The following ZNF25 variants were observed in gnomAD, a reference collection of about 807,000 sequenced individuals.
ZNF25 encodes zinc finger protein 25.
In ZNF25, 21 loss-of-function variants were observed where a neutral mutation model predicts 30.9. That is an observed-to-expected ratio of 0.68 (90% CI 0.48 to 0.98). The LOEUF (loss-of-function observed/expected upper bound fraction) is 0.98. ZNF25 is among the 50% of genes least tolerant of loss of function. ZNF25 has a pLI of 0.00. For synonymous variants in ZNF25, 169 were observed against 181.3 expected (o/e 0.93, Z 0.55); for missense variants, 501 against 529.9 (o/e 0.95, Z 0.54).
chr10:37,958,619 T>A (rs997263656), intron 2 of ZNF25, among the ~76,000 whole-genome samples: 1 of 152,208 alleles, frequency 6.6e-6, no homozygotes, highest in Admixed American at 6.5e-5. Flanking sequence ...CATGTATTAA[T>A]GTTTATTAAG....
intron 2 of ZNF25, among the ~76,000 whole-genome samples, chr10:37,965,624 A>T (rs1425541476): frequency 6.6e-6 from 1 of 152,340 alleles, no homozygotes; most frequent in East Asian, 1.9e-4. Flanking sequence ...CCTGCCTTAT[A>T]AGAAATGCTA....
intron 2 of ZNF25, among the ~76,000 whole-genome samples, chr10:37,964,545 G>A (rs146817053): frequency 2.4e-4 from 36 of 152,254 alleles, no homozygotes; most frequent in Middle Eastern, 3.4e-3. Context: ...CATGTCCTAC[G>A]GATCTGTGGA....
rs1382713826 is a variant in ZNF25, at chr10:37,951,649, A to G, written c.*478T>C. 2 of 153,410 alleles carry G rather than the reference A, an allele frequency of 1.3e-5. No homozygotes were observed. Among genetic ancestry groups the G allele is most frequent in the Non-Finnish European group, 2.9e-5 (2 of 68,976 alleles). The allele number at this position is 153,410 out of a possible 1,614,324, so 9.5% of individuals were successfully genotyped here. The stretch of plus-strand genomic sequence containing the variant: ...ACATCAATTCTTAATAAAGGCTTCT[A>G]TATCTACCAGTGTCTTTGCAGTTAT... On this transcript the variant is annotated 3_prime_UTR_variant, in exon 6 of 6. Coordinates refer to ENST00000302609, the MANE Select transcript of ZNF25 (RefSeq NM_145011.4).
At chr10:37,960,737 T>G in intron 2 of ZNF25, among the ~76,000 whole-genome samples, 1 of 139,418 alleles carries the variant, frequency 7.2e-6, no homozygotes, top group Admixed American at 7.6e-5. Context: ...AACATAAGAG[T>G]AAGCCAGGAG....
rs1230964657 is a variant in ZNF25, at chr10:37,950,889, A to G, written c.*1238T>C. The G allele has an allele frequency of 2.0e-5, 3 of 152,204 alleles. No individual in the cohort carries two copies. Among genetic ancestry groups the G allele is most frequent in the South Asian group, 2.1e-4 (1 of 4,834 alleles). 9.4% of individuals were successfully genotyped at this position (152,204 alleles called of 1,614,324 possible). A position where few individuals can be genotyped will look rare whatever the true frequency, so the allele number is the denominator to read the frequency against. Reference sequence around the variant, plus strand: ...AACATTTAGGACTCTCACACTAAATACAAATGCAGATAGCTCTGCTCCCTG... The same window carrying G: ...AACATTTAGGACTCTCACACTAAATGCAAATGCAGATAGCTCTGCTCCCTG... On this transcript the variant is annotated 3_prime_UTR_variant, in exon 6 of 6. Coordinates refer to ENST00000302609, the MANE Select transcript of ZNF25 (RefSeq NM_145011.4).
rs1458234029 is a variant in ZNF25 at position 37,950,422 on chromosome 10, C to G, written c.*1705G>C. 1.3e-5 allele frequency: 2 copies of G among 152,498 alleles called. No individual in the cohort carries two copies. Among genetic ancestry groups the G allele is most frequent in the South Asian group, 2.1e-4 (1 of 4,826 alleles). 9.4% of individuals were successfully genotyped at this position (152,498 alleles called of 1,614,324 possible). On this transcript the variant is annotated 3_prime_UTR_variant, in exon 6 of 6. Coordinates refer to ENST00000302609, the MANE Select transcript of ZNF25 (RefSeq NM_145011.4). ...AAAATGGGTAGTGGGCCAGATCTGT[C>G]TGATGGACTGTCATTTGTCAAACCC... is the stretch of plus-strand genomic sequence containing the variant.
At chr10:37,972,034 A>G (rs1172209266) in intron 1 of ZNF25, among the ~76,000 whole-genome samples, 1 of 152,216 alleles carries the variant, frequency 6.6e-6, no homozygotes, top group Non-Finnish European at 1.5e-5. Flanking sequence ...GAATAACACA[A>G]AAGAATCGAA....
At chr10:37,971,884 A>T (rs1047715625) in intron 1 of ZNF25, 77 bp from the exon 2 acceptor site, 1 of 938,424 alleles carries the variant, frequency 1.1e-6, no homozygotes, top group Non-Finnish European at 1.6e-6. Context: ...ATTAGAAAGC[A>T]TAGTAAGGAC....
intron 2 of ZNF25, among the ~76,000 whole-genome samples, chr10:37,966,398 A>G (rs979270735): frequency 2.6e-5 from 4 of 151,330 alleles, no homozygotes; most frequent in African/African-American, 9.7e-5. Flanking sequence ...TGGGTGACAG[A>G]GCAGGACTCC....
At chr10:37,976,215 C>T (rs1564812053) in intron 1 of ZNF25, among the ~76,000 whole-genome samples, 2 of 152,238 alleles carry the variant, frequency 1.3e-5, no homozygotes, top group Non-Finnish European at 2.9e-5. Context: ...GGCTTTGGAG[C>T]GCCGCGTCTG....
rs147132519 is a variant in ZNF25 at position 37,966,723 on chromosome 10, T to C, written c.15+4985A>G. ...CTCCCACCAGGCCCCTCCTCCAACA[T>C]TGAGGGTTACAATTTCACATGAGAT... On this transcript the variant is annotated intron_variant, in intron 2 of 5. Coordinates refer to ENST00000302609, the MANE Select transcript of ZNF25 (RefSeq NM_145011.4). Among the ~76,000 whole-genome samples the C allele has an allele frequency of 4.0e-4, 61 of 152,098 alleles. No individual in the cohort carries two copies. The East Asian group carries it at 5.8e-3, about 15-fold the overall frequency.
At chr10:37,954,833 C>T (rs768046878) in intron 4 of ZNF25, among the ~76,000 whole-genome samples, 10 of 152,064 alleles carry the variant, frequency 6.6e-5, no homozygotes, top group Admixed American at 1.3e-4. Context: ...ACTTATGCGA[C>T]GTTAACTCAG....
At chr10:37,959,829 C>T (rs2062750234) in intron 2 of ZNF25, among the ~76,000 whole-genome samples, 1 of 151,812 alleles carries the variant, frequency 6.6e-6, no homozygotes, top group South Asian at 2.1e-4. Context: ...AGGCTGGTCT[C>T]GAACTCCTGA....
chr10:37,957,775 A>T (rs2062623204), intron 2 of ZNF25, among the ~76,000 whole-genome samples: 1 of 152,126 alleles, frequency 6.6e-6, no homozygotes, highest in Non-Finnish European at 1.5e-5. Context: ...AAAGATGAAG[A>T]AAAAAAATGA....
chr10:37,954,789 G>A (rs2062411716), intron 4 of ZNF25, among the ~76,000 whole-genome samples: 1 of 152,272 alleles, frequency 6.6e-6, no homozygotes, highest in South Asian at 2.1e-4. Context: ...CATAGCAATG[G>A]TGGGGAATAC....
Position 37,949,906 on chromosome 10 carries a change from T to C in ZNF25, c.*2221A>G, listed in dbSNP as rs2062055057. 1 of 152,636 alleles carries C rather than the reference T, an allele frequency of 6.6e-6. No individual in the cohort carries two copies. The highest frequency in any genetic ancestry group is 2.4e-5 in the African/African-American group (1 of 41,454). The allele number at this position is 152,636 out of a possible 1,614,324, so 9.5% of individuals were successfully genotyped here. A position where few individuals can be genotyped will look rare whatever the true frequency, so the allele number is the denominator to read the frequency against. On this transcript the variant is annotated 3_prime_UTR_variant, in exon 6 of 6. Transcript: ENST00000302609. ...TTATTTCATATGTTTACTGCTACAT[T>C]CCATCAAGAAATTTCTTGTTTTGAT...
chr10:37,975,259 G>A (rs1017300522), intron 1 of ZNF25, among the ~76,000 whole-genome samples: 6 of 151,946 alleles, frequency 3.9e-5, no homozygotes, highest in African/African-American at 4.8e-5. Flanking sequence ...AGAAGATTTC[G>A]AATATTTGCA....
intron 2 of ZNF25, among the ~76,000 whole-genome samples, chr10:37,960,877 G>A (rs1404155262): frequency 2.0e-5 from 3 of 152,162 alleles, no homozygotes; most frequent in African/African-American, 4.8e-5. Flanking sequence ...ACTGTAATAA[G>A]TAAGCAGGCC....
At chr10:37,958,944 G>A (rs1188978616) in intron 2 of ZNF25, among the ~76,000 whole-genome samples, 1 of 152,204 alleles carries the variant, frequency 6.6e-6, no homozygotes, top group African/African-American at 2.4e-5. Context: ...AGATACTCAG[G>A]AAGCTGAGCC....
Sources: allele counts gnomAD v4.1 joint callset (sites outside exome capture counted in the v4.1 genomes callset), GRCh38; gene constraint gnomAD v4.1.1; transcripts MANE v1.5; gene names NCBI Gene and HGNC (gene_info 2026-07-23, HGNC 2026-07-21).